C1orf50: variants seen among roughly 807,000 people sequenced by gnomAD.
The protein encoded by C1orf50 is uncharacterized protein C1orf50.
In C1orf50, 22 loss-of-function variants were observed where a neutral mutation model predicts 23.3. That is an observed-to-expected ratio of 0.94 (90% CI 0.67 to 1.35). The LOEUF is 1.35. Ranked by LOEUF, C1orf50 falls within the 40% of genes most tolerant of loss-of-function variation. The pLI is 0.00. For missense variants in C1orf50, 271 were observed against 249.4 expected (o/e 1.09, Z -0.58); for synonymous variants, 96 against 102.4 (o/e 0.94, Z 0.38).
rs191791336 is a variant in C1orf50 at position 42,775,662 on chromosome 1, C to G, written c.*268C>G. The G allele has an allele frequency of 3.5e-6, 1 of 283,374 alleles. No homozygotes were observed. The highest frequency in any genetic ancestry group is 2.2e-5 in the African/African-American group (1 of 46,028). 17.6% of individuals were successfully genotyped at this position (283,374 alleles called of 1,614,324 possible). A position where few individuals can be genotyped will look rare whatever the true frequency, so the allele number is the denominator to read the frequency against. ...ATTGGCCAGTGTACTTTCCTTCTTC[C>G]TCTCCATCACTTCTTCCCTTAAGTT... is the stretch of plus-strand genomic sequence containing the variant. On this transcript the variant is annotated 3_prime_UTR_variant, in exon 5 of 5. Coordinates refer to ENST00000372525, the MANE Select transcript of C1orf50 (RefSeq NM_024097.4).
At chr1:42,771,041 T>C (rs1415622112) in intron 2 of C1orf50, among the ~76,000 whole-genome samples, 2 of 152,208 alleles carry the variant, frequency 1.3e-5, no homozygotes, top group African/African-American at 4.8e-5. Context: ...AGGCTACATA[T>C]ACTTTCCAAT....
chr1:42,769,209 C>T (rs1653163928), intron 2 of C1orf50, among the ~76,000 whole-genome samples: 1 of 151,948 alleles, frequency 6.6e-6, no homozygotes, highest in South Asian at 2.1e-4. Flanking sequence ...GATCGCACCA[C>T]TGTACTCCAG....
intron 2 of C1orf50, chr1:42,773,244 G>A (rs1653260907): frequency 4.9e-6 from 1 of 203,864 alleles, no homozygotes; most frequent in Non-Finnish European, 1.0e-5. Flanking sequence ...TTTGGTAGCA[G>A]GAGAGAGAAA....
chr1:42,767,450 G>A (rs1653095289), intron 1 of C1orf50, 59 bp from the exon 2 acceptor site: 1 of 1,553,662 alleles, frequency 6.4e-7, no homozygotes, highest in Non-Finnish European at 8.7e-7. Context: ...CGGTCTCGGG[G>A]CTCCGCGGGA....
chr1:42,770,038 T>C (rs1653183412), intron 2 of C1orf50, among the ~76,000 whole-genome samples: 1 of 152,270 alleles, frequency 6.6e-6, no homozygotes, highest in South Asian at 2.1e-4. Context: ...AAAGTGAGGT[T>C]ATCATCTCCA....
intron 2 of C1orf50, among the ~76,000 whole-genome samples, chr1:42,772,903 A>G (rs1215579458): frequency 6.6e-6 from 1 of 152,230 alleles, no homozygotes; most frequent in East Asian, 1.9e-4. Flanking sequence ...ATACATTTTA[A>G]GTAATAATTA....
chr1:42,775,279 C>A lies in C1orf50; in HGVS notation c.485C>A (p.Pro162Gln). The change falls in exon 5 of 5, where the codon CCG becomes CAG. Residue 162 changes from proline (P) to glutamine (Q), a missense_variant. Transcript: ENST00000372525. ...CTACAGCATGACTTGTCCTGGACTC[C>A]GTATGAGGACATTGAGAAGCAAGAT... ...YKLQHDLSWT[P>Q]YEDIEKQDAK... 6 of 1,612,828 alleles carry A rather than the reference C, an allele frequency of 3.7e-6. No homozygotes were observed. The highest frequency in any genetic ancestry group is 5.1e-6 in the Non-Finnish European group (6 of 1,178,944).
chr1:42,767,758 GC>G (rs1210931360), intron 2 of C1orf50, 134 bp downstream of exon 2: 1 of 784,086 alleles, frequency 1.3e-6, no homozygotes, highest in Non-Finnish European at 2.0e-6. Flanking sequence ...GACGAGTAAA[GC>G]CGACTGTCAT....
Position 42,767,347 on chromosome 1 carries a change from G to C in C1orf50, c.36G>C (p.Gly12=). The C allele has an allele frequency of 1.3e-6, 2 of 1,536,540 alleles. No homozygotes were observed. Among genetic ancestry groups the C allele is most frequent in the Non-Finnish European group, 1.7e-6 (2 of 1,146,358 alleles). ...CCGCCGCGCCGGGGCGGACCGAGGGGGTCCTTGAAAGGCAAGGAGCGCCGC... is the reference window on the plus strand; with the variant it reads ...CCGCCGCGCCGGGGCGGACCGAGGGCGTCCTTGAAAGGCAAGGAGCGCCGC... ...EDAAAPGRTE[G]VLERQGAPPA... Residue 12 remains glycine, a synonymous_variant, in exon 1 of 5, where the codon GGG becomes GGC. Coordinates refer to ENST00000372525, the MANE Select transcript of C1orf50 (RefSeq NM_024097.4).
At position 42,774,763 on chromosome 1, in the gene C1orf50, C is replaced by T; in HGVS notation, c.309C>T (p.Ala103=). ...RKVLEDAHRD[A]NLHHVACNIV... ...TACTGGAAGATGCTCACAGAGATGC[C>T]AACCTGCACCATGTAGCTTGTAATA... Residue 103 remains alanine (A), a synonymous_variant, in exon 4 of 5, where the codon GCC becomes GCT. Transcript: ENST00000372525. 1 of 1,612,312 alleles carries T rather than the reference C, an allele frequency of 6.2e-7. No individual in the cohort carries two copies. The highest frequency in any genetic ancestry group is 8.5e-7 in the Non-Finnish European group (1 of 1,178,620).
chr1:42,769,003 C>T (rs1396929393), intron 2 of C1orf50, among the ~76,000 whole-genome samples: 1 of 152,216 alleles, frequency 6.6e-6, no homozygotes, highest in Non-Finnish European at 1.5e-5. Context: ...GTGGCTCACA[C>T]TTGTAATCCC....
At chr1:42,770,462 C>T (rs1296313336) in intron 2 of C1orf50, among the ~76,000 whole-genome samples, 6 of 146,894 alleles carry the variant, frequency 4.1e-5, no homozygotes, top group Non-Finnish European at 7.5e-5. Context: ...GATGGAGTTT[C>T]GCTCTTGTTG....
At position 42,775,897 on chromosome 1, in the gene C1orf50, A is replaced by G. The variant is rs1255456204; in HGVS notation, c.*503A>G. On this transcript the variant is annotated 3_prime_UTR_variant, in exon 5 of 5. Transcript: ENST00000372525. ...AGTAATGGAGGGTGATTTAAAAAAC[A>G]ACAACAACAACAAAAAAAAAAACAC... 1 of 149,018 alleles carries G rather than the reference A, an allele frequency of 6.7e-6. No homozygotes were observed. Among genetic ancestry groups the G allele is most frequent in the Non-Finnish European group, 1.5e-5 (1 of 67,634 alleles). The allele number at this position is 149,018 out of a possible 1,614,324, so 9.2% of individuals were successfully genotyped here.
intron 2 of C1orf50, among the ~76,000 whole-genome samples, chr1:42,770,590 G>A (rs1653195371): frequency 6.6e-6 from 1 of 152,104 alleles, no homozygotes; most frequent in Admixed American, 6.6e-5. Context: ...GTGCCGCCAT[G>A]CCTGGCTAAT....
rs1557586417 is a variant in C1orf50 at position 42,775,786 on chromosome 1, A to ATATATATATATATAT, written c.*392_*393insTATATATATATATAT. On this transcript the variant is annotated 3_prime_UTR_variant, in exon 5 of 5. Transcript: ENST00000372525. ...TTTATATATATATATATATATATAT[A>ATATATATATATATAT]ACTGGTAGTATTTAACATTGGGGTT... 4 of 140,752 alleles carry ATATATATATATATAT rather than the reference A, an allele frequency of 2.8e-5. No homozygotes were observed. Among genetic ancestry groups the ATATATATATATATAT allele is most frequent in the African/African-American group, 1.1e-4 (4 of 36,440 alleles). 8.7% of individuals were successfully genotyped at this position (140,752 alleles called of 1,614,324 possible). A position where few individuals can be genotyped will look rare whatever the true frequency, so the allele number is the denominator to read the frequency against.
intron 2 of C1orf50, among the ~76,000 whole-genome samples, chr1:42,772,179 C>T (rs138057036): frequency 3.5e-4 from 54 of 152,210 alleles, no homozygotes; most frequent in Non-Finnish European, 6.9e-4. Flanking sequence ...TAGTAGCTGC[C>T]TAATATACAT....
At chr1:42,771,569 T>C (rs1306689496) in intron 2 of C1orf50, among the ~76,000 whole-genome samples, 2 of 152,076 alleles carry the variant, frequency 1.3e-5, no homozygotes, top group Admixed American at 6.6e-5. Context: ...TGGATTAGAC[T>C]GAGAAGGACC....
At chr1:42,773,977 C>T (rs1158554957) in intron 3 of C1orf50, among the ~76,000 whole-genome samples, 3 of 152,052 alleles carry the variant, frequency 2.0e-5, no homozygotes, top group African/African-American at 7.2e-5. Flanking sequence ...TGCCCGCCAC[C>T]ACACCCTGCT....
chr1:42,779,464 A>G lies in C1orf50; in HGVS notation c.*4070A>G, dbSNP rs1653407676. On this transcript the variant is annotated 3_prime_UTR_variant, in exon 5 of 5. Transcript: ENST00000372525. ...AAGTACAATCGATTGCCATCTTGTT[A>G]ATAAAATGTCAGAGGGATTAGAGGA... The G allele has an allele frequency of 6.6e-6, 1 of 152,072 alleles. No individual in the cohort carries two copies. Among genetic ancestry groups the G allele is most frequent in the African/African-American group, 2.4e-5 (1 of 41,416 alleles). 9.4% of individuals were successfully genotyped at this position (152,072 alleles called of 1,614,324 possible). A position where few individuals can be genotyped will look rare whatever the true frequency, so the allele number is the denominator to read the frequency against.
Sources: gnomAD v4.1 joint callset for allele counts (sites outside exome capture counted in the v4.1 genomes callset) on GRCh38, gnomAD v4.1.1 for gene constraint, MANE v1.5 for transcripts, NCBI Gene and HGNC (gene_info 2026-07-23, HGNC 2026-07-21) for gene names.